The following TMEM51 variants were observed in gnomAD, a reference collection of about 807,000 sequenced individuals.
The protein encoded by TMEM51 is transmembrane protein 51, also known as chromosome 1 open reading frame 72.
A neutral mutation model predicts 13.6 loss-of-function variants in TMEM51; 8 were observed. That is an observed-to-expected ratio of 0.59 (90% CI 0.35 to 1.07). The LOEUF (loss-of-function observed/expected upper bound fraction) is 1.07. TMEM51 is among the 50% of genes least tolerant of loss of function. The probability of loss-of-function intolerance (pLI) is 0.02; values close to 1 mark genes in which losing one functional copy is unlikely to be tolerated. For missense variants in TMEM51, 279 were observed against 330.7 expected, an observed-to-expected ratio of 0.84 and a Z score of 1.21; for synonymous variants, 147 against 144.4, an observed-to-expected ratio of 1.02 and a Z score of -0.13.
chr1:15,168,449 C>T, intron 1 of TMEM51: 1 of 1,280,680 alleles, frequency 7.8e-7, no homozygotes, highest in Non-Finnish European at 1.0e-6. Context: ...TTGGATACAT[C>T]TGCAATTAGC....
At chr1:15,183,270 A>G (rs112730980) in intron 1 of TMEM51, among the ~76,000 whole-genome samples, 52 of 152,364 alleles carry the variant, frequency 3.4e-4, no homozygotes, top group African/African-American at 1.2e-3. Flanking sequence ...AGCATTCACT[A>G]GGAAATTCCT....
intron 2 of TMEM51, among the ~76,000 whole-genome samples, chr1:15,214,550 C>T (rs1271955455): frequency 1.3e-5 from 2 of 152,230 alleles, no homozygotes; most frequent in African/African-American, 4.8e-5. Context: ...CCATCGCTCA[C>T]TCTCCCAGCA....
chr1:15,213,773 G>A (rs1644379266), intron 2 of TMEM51, among the ~76,000 whole-genome samples: 1 of 152,148 alleles, frequency 6.6e-6, no homozygotes, highest in Admixed American at 6.5e-5. Context: ...AACTCGATGT[G>A]GTTTCAGAGA....
intron 1 of TMEM51, among the ~76,000 whole-genome samples, chr1:15,193,647 G>T (rs536326743): frequency 7.1e-6 from 1 of 139,942 alleles, no homozygotes; most frequent in African/African-American, 2.7e-5. Context: ...GCACGGTCTC[G>T]GCTCACTGCA....
At chr1:15,169,803 T>C (rs1438930719) in intron 1 of TMEM51, among the ~76,000 whole-genome samples, 1 of 152,234 alleles carries the variant, frequency 6.6e-6, no homozygotes, top group Non-Finnish European at 1.5e-5. Context: ...ATTACGAAGC[T>C]GTCCATTTTT....
At chr1:15,197,907 T>C (rs1402446737) in intron 1 of TMEM51, among the ~76,000 whole-genome samples, 1 of 139,060 alleles carries the variant, frequency 7.2e-6, no homozygotes, top group East Asian at 2.0e-4. Flanking sequence ...CCCACAACCG[T>C]GAACCTCTCA....
chr1:15,184,313 C>CTG (rs1573407808), intron 1 of TMEM51, among the ~76,000 whole-genome samples: 2 of 152,214 alleles, frequency 1.3e-5, no homozygotes, highest in African/African-American at 2.4e-5. Flanking sequence ...GTGTGAACCA[C>CTG]CACGCCTGGC....
chr1:15,175,874 G>A (rs375569151), intron 1 of TMEM51, among the ~76,000 whole-genome samples: 25 of 152,258 alleles, frequency 1.6e-4, no homozygotes, highest in African/African-American at 5.5e-4. Flanking sequence ...TTGGGTGGGC[G>A]CACAGCCAAA....
Position 15,171,108 on chromosome 1 carries a change from C to T in TMEM51, c.-267+17154C>T. 4.0e-6 allele frequency: 4 copies of T among 992,302 alleles called. No homozygotes were observed. In the South Asian group the frequency reaches 4.2e-5, roughly 10 times the overall value. The allele number at this position is 992,302 out of a possible 1,614,324, so 61.5% of individuals were successfully genotyped here. On this transcript the variant is annotated intron_variant, in intron 1 of 3. Coordinates refer to ENST00000376008, the MANE Select transcript of TMEM51 (RefSeq NM_001136218.2). Reference sequence around the variant, plus strand: ...GCTGGGTCCTCCCTCCTCCTCCACCCCCCGCCACATCCCCCACCCCCAGTT... The same window carrying T: ...GCTGGGTCCTCCCTCCTCCTCCACCTCCCGCCACATCCCCCACCCCCAGTT...
intron 3 of TMEM51, among the ~76,000 whole-genome samples, chr1:15,218,943 T>G (rs1644469430): frequency 6.6e-6 from 1 of 152,224 alleles, no homozygotes; most frequent in African/African-American, 2.4e-5. Flanking sequence ...GCCTATGAGT[T>G]AGCCCTGCTC....
intron 1 of TMEM51, among the ~76,000 whole-genome samples, chr1:15,195,054 A>G (rs1276183487): frequency 6.7e-6 from 1 of 150,166 alleles, no homozygotes; most frequent in Non-Finnish European, 1.5e-5. Context: ...CCTCCCAAGT[A>G]GCTGGGACTA....
chr1:15,174,568 A>G (rs1643395914), intron 1 of TMEM51, among the ~76,000 whole-genome samples: 1 of 151,968 alleles, frequency 6.6e-6, no homozygotes, highest in African/African-American at 2.4e-5. Flanking sequence ...ATCGGTCTCA[A>G]CTCTGAAGTG....
In TMEM51 at chr1:15,165,044, G is replaced by A. The variant is rs1007355894; in HGVS notation, c.-267+11090G>A. Among the ~76,000 whole-genome samples the A allele has an allele frequency of 5.9e-5, 9 of 152,188 alleles. No homozygotes were observed. In the East Asian group the frequency reaches 7.7e-4, roughly 13 times the overall value. ...TCTCCACCTCTTGACCTTGTGATCC[G>A]CCCACCTCGACCTCCCAAAGTGCTG... On this transcript the variant is annotated intron_variant, in intron 1 of 3. Transcript: ENST00000376008.
chr1:15,169,361 G>C (rs372378259), intron 1 of TMEM51, among the ~76,000 whole-genome samples: 4 of 152,108 alleles, frequency 2.6e-5, no homozygotes, highest in African/African-American at 9.6e-5. Flanking sequence ...TTTTTAAGGA[G>C]TGAGATGGGT....
chr1:15,196,544 G>A (rs924634277), intron 1 of TMEM51, among the ~76,000 whole-genome samples: 3 of 152,038 alleles, frequency 2.0e-5, no homozygotes, highest in African/African-American at 7.3e-5. Context: ...GCAAGAGACA[G>A]GGTCTTTCTA....
At chr1:15,162,003 G>A (rs955216064) in intron 1 of TMEM51, among the ~76,000 whole-genome samples, 7 of 151,858 alleles carry the variant, frequency 4.6e-5, no homozygotes, top group South Asian at 4.2e-4. Context: ...TGAGGGCCTC[G>A]GGCAGAAGGA....
In TMEM51 at chr1:15,162,961, G is replaced by A. The variant is rs533791230; in HGVS notation, c.-267+9007G>A. ...GTGATGGTTGCACAGCAGTATGAAT[G>A]TACTTAATGCCACTGAACTGTTCAT... On this transcript the variant is annotated intron_variant, in intron 1 of 3. Transcript: ENST00000376008. 2.4e-4 allele frequency among the ~76,000 whole-genome samples: 37 copies of A among 151,262 alleles called. No individual in the cohort carries two copies. The South Asian group carries it at 6.5e-3, about 26-fold the overall frequency.
rs922044250 is a variant in TMEM51 at position 15,207,494 on chromosome 1, G to C, written c.-266-2996G>C. On this transcript the variant is annotated intron_variant, in intron 1 of 3. Transcript: ENST00000376008. The surrounding 1 kb of genome is among the most constrained non-coding windows in gnomAD (Gnocchi z 4.6). The stretch of plus-strand genomic sequence containing the variant: ...ATCTTATTTCAGTCGTTGTCTTCAC[G>C]TTCAAGTTCATGGAGACTCAATCCA... Among the ~76,000 whole-genome samples, 11 of 152,194 alleles carry C rather than the reference G, an allele frequency of 7.2e-5. No homozygotes were observed. Among genetic ancestry groups the C allele is most frequent in the Admixed American group, 6.5e-4 (10 of 15,280 alleles).
chr1:15,162,768 A>T lies in TMEM51; in HGVS notation c.-267+8814A>T, dbSNP rs549774197. ...GCTAAGTGAAATAAGCCAGTCACAA[A>T]AAGACAGATACTATATGATTCTACT... On this transcript the variant is annotated intron_variant, in intron 1 of 3. Transcript: ENST00000376008. Among the ~76,000 whole-genome samples the T allele has an allele frequency of 2.6e-5, 4 of 152,090 alleles. 1 individual carries two copies. The highest frequency in any genetic ancestry group is 9.7e-5 in the African/African-American group (4 of 41,324).
Sources: allele counts gnomAD v4.1 joint callset (sites outside exome capture counted in the v4.1 genomes callset), GRCh38; gene constraint gnomAD v4.1.1; non-coding constraint Gnocchi (gnomAD v3.1); transcripts MANE v1.5; gene names NCBI Gene and HGNC (gene_info 2026-07-23, HGNC 2026-07-21).